PTPRR: variants seen among roughly 807,000 people sequenced by gnomAD.
PTPRR encodes the protein protein tyrosine phosphatase receptor type R.
Under a neutral mutation model 77.2 loss-of-function variants are expected in PTPRR, and 38 were observed. That is an observed-to-expected ratio of 0.49 (90% confidence interval 0.38 to 0.65). The LOEUF (loss-of-function observed/expected upper bound fraction) is 0.65, where lower values mean the gene tolerates loss of function less well. Among genes scored for constraint, PTPRR ranks in the 30% least tolerant of loss-of-function variants. The pLI is 0.00. For synonymous variants in PTPRR, 299 were observed against 283.1 expected (o/e 1.06, Z -0.57); for missense variants, 744 against 799.2 (o/e 0.93, Z 0.83).
intron 6 of PTPRR, among the ~76,000 whole-genome samples, chr12:70,709,315 C>T (rs1421506704): frequency 6.6e-6 from 1 of 152,008 alleles, no homozygotes; most frequent in African/African-American, 2.4e-5. Context: ...AGGAGCATAC[C>T]TCAAAATACT....
At chr12:70,859,497 T>C (rs1179039063) in intron 2 of PTPRR, among the ~76,000 whole-genome samples, 1 of 151,930 alleles carries the variant, frequency 6.6e-6, no homozygotes, top group Non-Finnish European at 1.5e-5. Flanking sequence ...ATGAAGAAGG[T>C]TGAAGATTCT....
chr12:70,718,500 C>T (rs966780621), intron 6 of PTPRR, among the ~76,000 whole-genome samples: 1 of 152,032 alleles, frequency 6.6e-6, no homozygotes, highest in African/African-American at 2.4e-5. Flanking sequence ...CTCCTGACCT[C>T]GTGATCCGCC....
intron 8 of PTPRR, among the ~76,000 whole-genome samples, chr12:70,686,585 AG>A (rs1435629933): frequency 2.6e-5 from 4 of 152,196 alleles, no homozygotes; most frequent in Non-Finnish European, 5.9e-5. Context: ...TGGTCATAAA[AG>A]GTATTACAGT....
At chr12:70,861,042 G>A (rs550681677) in intron 2 of PTPRR, among the ~76,000 whole-genome samples, 1 of 152,140 alleles carries the variant, frequency 6.6e-6, no homozygotes, top group African/African-American at 2.4e-5. Flanking sequence ...TTTTGTTTGT[G>A]TTGAATTCCT....
intron 5 of PTPRR, among the ~76,000 whole-genome samples, chr12:70,753,975 C>T (rs1027847933): frequency 3.3e-5 from 5 of 152,152 alleles, no homozygotes. Context: ...AACTGCATTG[C>T]AATTACAGCC....
At chr12:70,826,536 G>A (rs1892112227) in intron 2 of PTPRR, among the ~76,000 whole-genome samples, 1 of 152,158 alleles carries the variant, frequency 6.6e-6, no homozygotes, top group African/African-American at 2.4e-5. Flanking sequence ...CCCATGACAG[G>A]ATGCATACAG....
chr12:70,815,301 T>C (rs1038296121), intron 2 of PTPRR, among the ~76,000 whole-genome samples: 1 of 151,868 alleles, frequency 6.6e-6, no homozygotes, highest in African/African-American at 2.4e-5. Context: ...GAAAAAAGAT[T>C]GAAAAAGAAT....
At chr12:70,869,081 G>A (rs1270270331) in intron 2 of PTPRR, among the ~76,000 whole-genome samples, 4 of 149,888 alleles carry the variant, frequency 2.7e-5, no homozygotes, top group South Asian at 2.1e-4. Flanking sequence ...TATACCTAAT[G>A]CTAAATGACG....
chr12:70,874,152 TA>T (rs1565726588), intron 2 of PTPRR, among the ~76,000 whole-genome samples: 1 of 152,190 alleles, frequency 6.6e-6, no homozygotes, highest in East Asian at 1.9e-4. Context: ...AATATCAAGC[TA>T]AAATCATAAA....
chr12:70,886,096 T>C (rs1339503968), intron 2 of PTPRR, among the ~76,000 whole-genome samples: 1 of 152,184 alleles, frequency 6.6e-6, no homozygotes, highest in Non-Finnish European at 1.5e-5. Context: ...ACACAGACAT[T>C]GCTGAGGCTT....
rs527302406 is a variant in PTPRR at position 70,713,564 on chromosome 12, C to T, written c.1008-12241G>A. Reference sequence around the variant, plus strand: ...ACATTCTTGCTAATACTTGCTGCTGCCTTTTTTTTTTTTTAATAATAGCCA... The same window carrying T: ...ACATTCTTGCTAATACTTGCTGCTGTCTTTTTTTTTTTTTAATAATAGCCA... On this transcript the variant is annotated intron_variant, in intron 6 of 13. Coordinates refer to ENST00000283228, the MANE Select transcript of PTPRR (RefSeq NM_002849.4). Among the ~76,000 whole-genome samples the T allele has an allele frequency of 7.8e-3, 332 of 42,344 alleles. 1 individual carries two copies. The highest frequency in any genetic ancestry group is 0.013 in the African/African-American group (292 of 21,956). The allele number at this position is 42,344 out of a possible 152,430, so 27.8% of individuals were successfully genotyped here. A position where few individuals can be genotyped will look rare whatever the true frequency, so the allele number is the denominator to read the frequency against.
intron 10 of PTPRR, among the ~76,000 whole-genome samples, chr12:70,680,034 TTTTGA>T (rs1180589654): frequency 6.6e-6 from 1 of 152,192 alleles, no homozygotes. Flanking sequence ...TCATTTCTCT[TTTTGA>T]TTTGTGTATC....
chr12:70,835,793 C>G (rs1227139304), intron 2 of PTPRR, among the ~76,000 whole-genome samples: 3 of 152,058 alleles, frequency 2.0e-5, no homozygotes, highest in Non-Finnish European at 4.4e-5. Flanking sequence ...ATAAACATTT[C>G]ATTATAAACA....
chr12:70,911,136 C>A (rs1487136291), intron 1 of PTPRR, among the ~76,000 whole-genome samples: 1 of 152,110 alleles, frequency 6.6e-6, no homozygotes, highest in African/African-American at 2.4e-5. Flanking sequence ...CTTCCCATAC[C>A]CATGCCCCTC....
At position 70,820,737 on chromosome 12, in the gene PTPRR, G is replaced by A. The variant is rs184497102; in HGVS notation, c.358-55959C>T. On this transcript the variant is annotated intron_variant, in intron 2 of 13. Coordinates refer to ENST00000283228, the MANE Select transcript of PTPRR (RefSeq NM_002849.4). ...CCAGTTTAGAGAGAATCCCCACTTG[G>A]TATCTTATCACTTTCATTTTCTGAT... Among the ~76,000 whole-genome samples, 291 of 152,234 alleles carry A rather than the reference G, an allele frequency of 1.9e-3. 2 individuals are homozygous for A. The highest frequency in any genetic ancestry group is 9.1e-4 in the Non-Finnish European group (62 of 68,018).
chr12:70,855,096 C>A (rs1228571591), intron 2 of PTPRR, among the ~76,000 whole-genome samples: 1 of 152,200 alleles, frequency 6.6e-6, no homozygotes, highest in Non-Finnish European at 1.5e-5. Flanking sequence ...AAACCAAACA[C>A]ATCTGCTGCT....
intron 10 of PTPRR, among the ~76,000 whole-genome samples, chr12:70,670,263 T>C (rs1047724151): frequency 6.6e-6 from 1 of 152,356 alleles, no homozygotes; most frequent in Admixed American, 6.5e-5. Context: ...CAGGGTCTTA[T>C]TGCTCTTTGG....
intron 13 of PTPRR, among the ~76,000 whole-genome samples, chr12:70,649,591 TG>T (rs1393094175): frequency 6.6e-6 from 1 of 152,196 alleles, no homozygotes; most frequent in Non-Finnish European, 1.5e-5. Flanking sequence ...CCACCACCTT[TG>T]TTTTTTTGAG....
intron 2 of PTPRR, among the ~76,000 whole-genome samples, chr12:70,819,961 T>A (rs1312151866): frequency 5.3e-5 from 8 of 152,176 alleles, no homozygotes. Context: ...AGATCAACTA[T>A]TTTTTGAAAC....
Sources: allele counts gnomAD v4.1 joint callset (sites outside exome capture counted in the v4.1 genomes callset), GRCh38; gene constraint gnomAD v4.1.1; transcripts MANE v1.5; gene names NCBI Gene and HGNC (gene_info 2026-07-23, HGNC 2026-07-21).